FAM228B: variants seen among roughly 807,000 people sequenced by gnomAD.
FAM228B encodes family with sequence similarity 228 member B.
In FAM228B, 38 loss-of-function variants were observed where a neutral mutation model predicts 42.6. The ratio of observed to expected loss-of-function variants is 0.89; its 90% CI spans 0.69 to 1.17. The LOEUF is 1.17. Among genes scored for constraint, FAM228B ranks in the 50% most tolerant of loss-of-function variants. The pLI, the probability that FAM228B is intolerant of heterozygous loss-of-function variation, is 0.00. For synonymous variants in FAM228B, 109 were observed against 122.3 expected (o/e 0.89, Z 0.72); for missense variants, 344 against 367.3 (o/e 0.94, Z 0.52).
chr2:24,145,952 G>A (rs920613686), intron 5 of FAM228B, among the ~76,000 whole-genome samples: 1 of 152,158 alleles, frequency 6.6e-6, no homozygotes, highest in Non-Finnish European at 1.5e-5. Flanking sequence ...GCCTCCCAAA[G>A]TGCTGGGATT....
chr2:24,154,786 T>G (rs758325627), intron 7 of FAM228B, among the ~76,000 whole-genome samples: 38 of 152,224 alleles, frequency 2.5e-4, no homozygotes, highest in Non-Finnish European at 4.3e-4. Context: ...TTTTTGTAGA[T>G]TATCTGGCCT....
At chr2:24,093,264 A>G (rs1218051334) in intron 2 of FAM228B, among the ~76,000 whole-genome samples, 2 of 151,998 alleles carry the variant, frequency 1.3e-5, no homozygotes, top group African/African-American at 4.8e-5. Context: ...TAAGCCCCTC[A>G]TGCATCAGGT....
chr2:24,088,348 T>TAC (rs149900923), intron 2 of FAM228B, among the ~76,000 whole-genome samples: 1 of 117,628 alleles, frequency 8.5e-6, no homozygotes, highest in Non-Finnish European at 2.0e-5. Flanking sequence ...ATCCCTTTAT[T>TAC]ATATATATAT....
chr2:24,116,219 T>C (rs1311098864), intron 3 of FAM228B, among the ~76,000 whole-genome samples: 1 of 152,080 alleles, frequency 6.6e-6, no homozygotes, highest in Non-Finnish European at 1.5e-5. Context: ...TCCCAGCTAC[T>C]TGGGAGGCTG....
intron 7 of FAM228B, among the ~76,000 whole-genome samples, chr2:24,152,746 C>T (rs1667053512): frequency 6.6e-6 from 1 of 152,228 alleles, no homozygotes; most frequent in South Asian, 2.1e-4. Context: ...TAGTATAGCA[C>T]CGAGTCTTGC....
chr2:24,096,785 AC>A (rs1174442132), intron 3 of FAM228B: 1 of 152,164 alleles, frequency 6.6e-6, no homozygotes, highest in African/African-American at 2.4e-5. Context: ...TACAGAGAAC[AC>A]CACAAAGATA....
chr2:24,159,795 A>T (rs1250670838), intron 7 of FAM228B, among the ~76,000 whole-genome samples: 12 of 152,118 alleles, frequency 7.9e-5, no homozygotes, highest in Admixed American at 7.2e-4. Context: ...ACGATTCTAG[A>T]TTGACAATTA....
chr2:24,132,464 GTTTTTTTTT>G (rs548264853), intron 2 of FAM228B, among the ~76,000 whole-genome samples: 3 of 55,984 alleles, frequency 5.4e-5, no homozygotes, highest in Non-Finnish European at 7.2e-5. Context: ...TCCTGGGATT[GTTTTTTTTT>G]TTTTTTTTTT....
intron 7 of FAM228B, among the ~76,000 whole-genome samples, chr2:24,151,908 A>G (rs1387813663): frequency 6.6e-6 from 1 of 152,038 alleles, no homozygotes; most frequent in African/African-American, 2.4e-5. Flanking sequence ...TCGCTCTGTC[A>G]GCCAGGCTGG....
chr2:24,134,091 A>T (rs1432681659), intron 2 of FAM228B, among the ~76,000 whole-genome samples: 1 of 152,208 alleles, frequency 6.6e-6, no homozygotes, highest in Non-Finnish European at 1.5e-5. Context: ...CTTTTATTTT[A>T]ATAAGAGCTT....
intron 1 of FAM228B, among the ~76,000 whole-genome samples, chr2:24,078,591 A>T (rs1448797261): frequency 6.6e-6 from 1 of 152,050 alleles, no homozygotes; most frequent in African/African-American, 2.4e-5. Flanking sequence ...AAGGGGGGTT[A>T]CAGGTGATCT....
chr2:24,105,419 A>G (rs1029778844), intron 3 of FAM228B, among the ~76,000 whole-genome samples: 8 of 152,194 alleles, frequency 5.3e-5, no homozygotes, highest in African/African-American at 2.4e-5. Flanking sequence ...TCAAACCCCC[A>G]AGGGCATCAA....
At position 24,084,568 on chromosome 2, in the gene FAM228B, C is replaced by T. The variant is rs893587686; in HGVS notation, c.-210+3613C>T. 5 of 470,290 alleles carry T rather than the reference C, an allele frequency of 1.1e-5. No individual in the cohort carries two copies. Among genetic ancestry groups the T allele is most frequent in the Admixed American group, 4.1e-5 (1 of 24,418 alleles). The allele number at this position is 470,290 out of a possible 1,614,324, so 29.1% of individuals were successfully genotyped here. Reference sequence around the variant, plus strand: ...AGTCCTCGGCCGCCTCCAGACCGATCCCACCCGGAACACAGATGGGAACGG... The same window carrying T: ...AGTCCTCGGCCGCCTCCAGACCGATTCCACCCGGAACACAGATGGGAACGG... On this transcript the variant is annotated intron_variant, in intron 2 of 10. Coordinates refer to the FAM228B transcript ENST00000613899. The surrounding 1 kb of genome is among the most constrained non-coding windows in gnomAD (Gnocchi z 8.4).
chr2:24,159,724 T>C (rs1346723821), intron 7 of FAM228B, among the ~76,000 whole-genome samples: 1 of 152,248 alleles, frequency 6.6e-6, no homozygotes, highest in Non-Finnish European at 1.5e-5. Flanking sequence ...TTTCCTTTTT[T>C]CTGAAGTTTG....
At chr2:24,136,640 G>A (rs561593855) in intron 3 of FAM228B, among the ~76,000 whole-genome samples, 18 of 152,252 alleles carry the variant, frequency 1.2e-4, no homozygotes, top group East Asian at 3.9e-4. Flanking sequence ...TAGGATTACC[G>A]GCGTGAGCCA....
chr2:24,169,423 T>C lies in FAM228B; in HGVS notation c.*82T>C, dbSNP rs1248106578. 4.4e-6 allele frequency: 2 copies of C among 450,682 alleles called. No homozygotes were observed. Among genetic ancestry groups the C allele is most frequent in the South Asian group, 3.2e-5 (2 of 63,120 alleles). 27.9% of individuals were successfully genotyped at this position (450,682 alleles called of 1,614,324 possible). ...GAAAGGATACACAAAATCAGGCTGCTTCAGAGGAAGTCATCTGCTCACAGG... is the reference window on the plus strand; with the variant it reads ...GAAAGGATACACAAAATCAGGCTGCCTCAGAGGAAGTCATCTGCTCACAGG... On this transcript the variant is annotated 3_prime_UTR_variant, in exon 11 of 11. Coordinates refer to ENST00000615575, the MANE Select transcript of FAM228B (RefSeq NM_001145710.2). The surrounding 1 kb of genome is among the most constrained non-coding windows in gnomAD (Gnocchi z 4.2).
chr2:24,116,429 T>C (rs1310304706), intron 3 of FAM228B, among the ~76,000 whole-genome samples: 2 of 152,210 alleles, frequency 1.3e-5, no homozygotes, highest in African/African-American at 4.8e-5. Context: ...TGGGCTCAGT[T>C]GATCCTCCTG....
At chr2:24,157,546 TGGCA>T (rs1489236503) in intron 7 of FAM228B, among the ~76,000 whole-genome samples, 9 of 152,030 alleles carry the variant, frequency 5.9e-5, no homozygotes, top group Non-Finnish European at 1.0e-4. Context: ...GAGACCAGCC[TGGCA>T]AACATGGTGA....
chr2:24,117,952 G>A (rs974701354), intron 3 of FAM228B, among the ~76,000 whole-genome samples: 10 of 152,112 alleles, frequency 6.6e-5, no homozygotes, highest in Non-Finnish European at 1.0e-4. Flanking sequence ...TATTAATGGC[G>A]TGATGCCAGC....
Sources: gnomAD v4.1 joint callset for allele counts (sites outside exome capture counted in the v4.1 genomes callset) on GRCh38, gnomAD v4.1.1 for gene constraint, Gnocchi (gnomAD v3.1) non-coding constraint, MANE v1.5 for transcripts, NCBI Gene and HGNC (gene_info 2026-07-23, HGNC 2026-07-21) for gene names.